The following WNK1 variants were observed in gnomAD, a reference collection of about 807,000 sequenced individuals.
WNK1 encodes WNK lysine deficient protein kinase 1.
In WNK1, 38 loss-of-function variants were observed where a neutral mutation model predicts 222.8. The ratio of observed to expected loss-of-function variants is 0.17; its 90% CI spans 0.13 to 0.22. The LOEUF (loss-of-function observed/expected upper bound fraction) is 0.22. WNK1 is among the 10% of genes least tolerant of loss of function. The pLI is 1.00. For synonymous variants in WNK1, 1,090 were observed against 1,092.9 expected, an observed-to-expected ratio of 1.00 and a Z score of 0.05; for missense variants, 2,348 against 2,918.4, an observed-to-expected ratio of 0.80 and a Z score of 4.50.
intron 2 of WNK1, 39 bp downstream of exon 2, chr12:813,853 T>A (rs1490916202): frequency 6.2e-7 from 1 of 1,602,456 alleles, no homozygotes; most frequent in African/African-American, 1.3e-5. Flanking sequence ...CCAAGAAGTA[T>A]GAGAGAATTT....
intron 9 of WNK1, among the ~76,000 whole-genome samples, chr12:872,640 T>C (rs1038502357): frequency 6.6e-6 from 1 of 152,254 alleles, no homozygotes; most frequent in Non-Finnish European, 1.5e-5. Flanking sequence ...TTAGCTATTC[T>C]ACATAAAATT....
Position 894,642 on chromosome 12 carries a change from C to T in WNK1, c.5583+7C>T. Reference sequence around the variant, plus strand: ...TAAGATGGGACGATTTCAGGTAAGACAGTCACTTTGTGTTGCCTTGATTCC... The same window carrying T: ...TAAGATGGGACGATTTCAGGTAAGATAGTCACTTTGTGTTGCCTTGATTCC... On this transcript the variant is annotated splice_region_variant and intron_variant, in intron 23 of 27. Transcript: ENST00000315939. 6.2e-7 allele frequency: 1 copy of T among 1,613,418 alleles called. No individual in the cohort carries two copies. Among genetic ancestry groups the T allele is most frequent in the Non-Finnish European group, 8.5e-7 (1 of 1,179,392 alleles).
intron 4 of WNK1, among the ~76,000 whole-genome samples, chr12:849,510 T>C (rs192112337): frequency 3.3e-5 from 5 of 152,298 alleles, no homozygotes; most frequent in Admixed American, 2.6e-4. Flanking sequence ...TTTGAGACTT[T>C]TATAGGAGGG....
rs772030663 is a variant in WNK1 at position 896,196 on chromosome 12, C to T, written c.5709C>T (p.Thr1903=). 1.9e-6 allele frequency: 3 copies of T among 1,614,060 alleles called. No individual in the cohort carries two copies. The African/African-American group carries it at 4.0e-5, about 22-fold the overall frequency. The part of the protein sequence containing the change: ...SVLSSSSPES[T]LVKPEPNGIT... ...TATCAAGTAGTAGTCCAGAGAGTACCTTGGTGAAACCAGAGCCGAATGGCA... is the reference window on the plus strand; with the variant it reads ...TATCAAGTAGTAGTCCAGAGAGTACTTTGGTGAAACCAGAGCCGAATGGCA... Residue 1903 remains threonine (T), a synonymous_variant, in exon 24 of 28, where the codon ACC becomes ACT. Transcript: ENST00000315939.
At chr12:769,582 A>G (rs1433728916) in intron 1 of WNK1, among the ~76,000 whole-genome samples, 1 of 151,956 alleles carries the variant, frequency 6.6e-6, no homozygotes, top group Non-Finnish European at 1.5e-5. Flanking sequence ...TTCTCAGTTC[A>G]TTTTATTATT....
At chr12:782,571 G>A (rs1348315961) in intron 1 of WNK1, among the ~76,000 whole-genome samples, 1 of 152,124 alleles carries the variant, frequency 6.6e-6, no homozygotes, top group African/African-American at 2.4e-5. Context: ...AGTGAGCGAT[G>A]TCGGCTCACT....
At position 882,875 on chromosome 12, in the gene WNK1, G is replaced by C. The variant is rs181231050; in HGVS notation, c.3373-68G>C. ...ATAAAGTCAAGTGCTAATCTGCATT[G>C]CTTTTCTGAAATTCAGTAATAAAGC... On this transcript the variant is annotated intron_variant, in intron 14 of 27. Transcript: ENST00000315939. 39 of 1,007,748 alleles carry C rather than the reference G, an allele frequency of 3.9e-5. No homozygotes were observed. The African/African-American group carries it at 4.3e-4, about 11-fold the overall frequency. The allele number at this position is 1,007,748 out of a possible 1,614,324, so 62.4% of individuals were successfully genotyped here.
At position 761,247 on chromosome 12, in the gene WNK1, T is replaced by C. The variant is rs1206658506; in HGVS notation, c.759+6923T>C. ...GTGGGGTTTCATAAATAATTTACTTTTTAGTGTTGTGACTTGAATCTTGGC... is the reference window on the plus strand; with the variant it reads ...GTGGGGTTTCATAAATAATTTACTTCTTAGTGTTGTGACTTGAATCTTGGC... On this transcript the variant is annotated intron_variant, in intron 1 of 27. Transcript: ENST00000315939. Among the ~76,000 whole-genome samples the C allele has an allele frequency of 2.0e-5, 3 of 148,092 alleles. 1 individual carries two copies. Among genetic ancestry groups the C allele is most frequent in the Non-Finnish European group, 4.5e-5 (3 of 66,302 alleles).
At position 777,449 on chromosome 12, in the gene WNK1, C is replaced by T. The variant is rs545832187; in HGVS notation, c.759+23125C>T. 8.5e-5 allele frequency among the ~76,000 whole-genome samples: 13 copies of T among 152,100 alleles called. No homozygotes were observed. The East Asian group carries it at 1.9e-3, about 23-fold the overall frequency. ...CTGGGATTACAGGTGTGAGCCACCG[C>T]GCCCAGCCTGGAATTTTTAAGTAGC... On this transcript the variant is annotated intron_variant, in intron 1 of 27. Transcript: ENST00000315939.
intron 1 of WNK1, among the ~76,000 whole-genome samples, chr12:768,429 C>A (rs1306418483): frequency 6.6e-6 from 1 of 152,144 alleles, no homozygotes; most frequent in Non-Finnish European, 1.5e-5. Context: ...AGCTACCATG[C>A]CCGGCCTGCT....
Position 777,679 on chromosome 12 carries a change from A to C in WNK1, c.759+23355A>C, listed in dbSNP as rs114260848. Among the ~76,000 whole-genome samples, 905 of 152,266 alleles carry C rather than the reference A, an allele frequency of 5.9e-3. 12 individuals are homozygous for C. Among genetic ancestry groups the C allele is most frequent in the African/African-American group, 0.021 (867 of 41,552 alleles). On this transcript the variant is annotated intron_variant, in intron 1 of 27. Coordinates refer to ENST00000315939, the MANE Select transcript of WNK1 (RefSeq NM_018979.4). ...CATTTGAAGAGAAACAGTGAAAGCAAAGCTCCTGGTATTTTTCATGAAATG... is the reference window on the plus strand; with the variant it reads ...CATTTGAAGAGAAACAGTGAAAGCACAGCTCCTGGTATTTTTCATGAAATG...
chr12:859,631 T>TGTGTGTG (rs111327474), intron 6 of WNK1, among the ~76,000 whole-genome samples, 167 bp downstream of exon 6: 1 of 80,956 alleles, frequency 1.2e-5, no homozygotes, highest in African/African-American at 4.5e-5. Context: ...CGTGTGTGTG[T>TGTGTGTG]GTTTTTTTTT....
chr12:898,266 C>T (rs1291071763), intron 25 of WNK1, among the ~76,000 whole-genome samples: 2 of 152,128 alleles, frequency 1.3e-5, no homozygotes, highest in Non-Finnish European at 2.9e-5. Context: ...AGGCAGATCA[C>T]GAGGTCAGGA....
intron 8 of WNK1, among the ~76,000 whole-genome samples, chr12:865,755 T>G (rs1951613117): frequency 6.6e-6 from 1 of 152,140 alleles, no homozygotes. Flanking sequence ...TTTTTTCTCC[T>G]CACTTTATTC....
intron 1 of WNK1, among the ~76,000 whole-genome samples, chr12:768,432 G>A (rs564980270): frequency 4.6e-5 from 7 of 152,038 alleles, no homozygotes; most frequent in South Asian, 2.1e-4. Flanking sequence ...TACCATGCCC[G>A]GCCTGCTTGT....
chr12:901,742 T>C, intron 26 of WNK1: 1 of 693,470 alleles, frequency 1.4e-6, no homozygotes, highest in Non-Finnish European at 2.1e-6. Flanking sequence ...TTGTCTCTTT[T>C]TGTATATCAT....
At position 861,267 on chromosome 12, in the gene WNK1, A is replaced by C; in HGVS notation, c.1875A>C (p.Thr625=). ...CTACCACTTCAGCTTCAGTTTCTAC[A>C]CAAGTAGAACCTGAAGAACCTGAGG... ...TASTTSASVS[T]QVEPEEPEAD... The change falls in exon 7 of 28, where the codon ACA becomes ACC. Residue 625 remains threonine (T), a synonymous_variant. Coordinates refer to ENST00000315939, the MANE Select transcript of WNK1 (RefSeq NM_018979.4). The C allele has an allele frequency of 6.2e-7, 1 of 1,614,150 alleles. No individual in the cohort carries two copies. Among genetic ancestry groups the C allele is most frequent in the Middle Eastern group, 1.6e-4 (1 of 6,062 alleles).
At chr12:867,774 C>G in intron 8 of WNK1, 1 of 1,351,638 alleles carries the variant, frequency 7.4e-7, no homozygotes, top group Non-Finnish European at 1.0e-6. Flanking sequence ...GTAACCATTT[C>G]ATAGGGTTAC....
At chr12:879,495 TTGCTTTTGGCAGCCTTGC>T in intron 10 of WNK1, 60 bp from the exon 11 acceptor site, 2 of 961,994 alleles carry the variant, frequency 2.1e-6, no homozygotes, top group Non-Finnish European at 1.5e-6. Context: ...TACATAAATC[TTGCTTTTGGCAGCCTTGC>T]TTTTTTTTTT....
Sources: gnomAD v4.1 joint callset for allele counts (sites outside exome capture counted in the v4.1 genomes callset) on GRCh38, gnomAD v4.1.1 for gene constraint, MANE v1.5 for transcripts, NCBI Gene and HGNC (gene_info 2026-07-23, HGNC 2026-07-21) for gene names.